GLRA2: variants seen among roughly 807,000 people sequenced by gnomAD.
GLRA2 encodes the protein glycine receptor subunit alpha-2.
Under a neutral mutation model 31.6 loss-of-function variants are expected in GLRA2, and 11 were observed. The ratio of observed to expected loss-of-function variants is 0.35; its 90% confidence interval spans 0.22 to 0.58. The LOEUF is 0.58. Ranked by LOEUF, GLRA2 falls within the 20% of genes least tolerant of loss-of-function variation. GLRA2 has a pLI of 0.84. For missense variants in GLRA2, 212 were observed against 351.8 expected (o/e 0.60, Z 3.18); for synonymous variants, 132 against 134.0 (o/e 0.99, Z 0.10).
intron 4 of GLRA2, among the ~76,000 whole-genome samples, chrX:14,599,216 A>T (rs1412061593): frequency 1.8e-5 from 2 of 112,685 alleles, no homozygotes; most frequent in Non-Finnish European, 3.8e-5. Flanking sequence ...GGAGGAACGG[A>T]CAATAATGCT....
At chrX:14,507,686 A>ATTTTTTTTTTTTTTTTTTTTTTTTT in the GLRA2 span, among the ~76,000 whole-genome samples, 1 of 56,049 alleles carries the variant, frequency 1.8e-5, no homozygotes, top group Non-Finnish European at 3.9e-5. Flanking sequence ...TACGAAAGAC[A>ATTTTTTTTTTTTTTTTTTTTTTTTT]TTCTTTTTTT....
chrX:14,635,902 C>T (rs2090705419), intron 7 of GLRA2, among the ~76,000 whole-genome samples: 1 of 110,969 alleles, frequency 9.0e-6, no homozygotes, highest in African/African-American at 3.3e-5. Flanking sequence ...GATGCTTCCC[C>T]TTGTGCCCTA....
intron 8 of GLRA2, among the ~76,000 whole-genome samples, chrX:14,703,238 G>A (rs953233594): frequency 1.8e-5 from 2 of 111,637 alleles, no homozygotes; most frequent in African/African-American, 6.5e-5. Context: ...AATACTCAGA[G>A]GCCATCTTTG....
chrX:14,458,427 G>C, the GLRA2 span, among the ~76,000 whole-genome samples: 1 of 111,843 alleles, frequency 8.9e-6, no homozygotes, highest in African/African-American at 3.3e-5. Context: ...TCTAGTTCTA[G>C]ATCCCTGAGG....
At chrX:14,604,543 A>AGTGTGTGT (rs377121617) in intron 5 of GLRA2, 146 bp downstream of exon 5, 21 of 161,441 alleles carry the variant, frequency 1.3e-4, no homozygotes, top group African/African-American at 3.6e-4. Context: ...GACAAACCAA[A>AGTGTGTGT]GTGTGTGTGT....
At chrX:14,608,426 AT>A in intron 6 of GLRA2, among the ~76,000 whole-genome samples, 1 of 111,311 alleles carries the variant, frequency 9.0e-6, no homozygotes, top group Non-Finnish European at 1.9e-5. Context: ...ACAAATGTAC[AT>A]TTTTCTCTTG....
intron 7 of GLRA2, among the ~76,000 whole-genome samples, chrX:14,635,809 C>A (rs1400233732): frequency 9.0e-6 from 1 of 111,129 alleles, no homozygotes. Context: ...AAAACAATTC[C>A]TAGGGAGAAA....
chrX:14,729,570 T>A (rs1284784914), intron 8 of GLRA2, among the ~76,000 whole-genome samples: 2 of 111,838 alleles, frequency 1.8e-5, no homozygotes, highest in African/African-American at 6.5e-5. Context: ...AGCCAAATAA[T>A]CAATGTTAAA....
intron 8 of GLRA2, among the ~76,000 whole-genome samples, chrX:14,698,561 C>G (rs1191854465): frequency 9.5e-6 from 1 of 105,769 alleles, no homozygotes; most frequent in Non-Finnish European, 1.9e-5. Context: ...ACCTGTGGTC[C>G]CAGGAACTCA....
chrX:14,721,798 A>T (rs2091869975), intron 8 of GLRA2, among the ~76,000 whole-genome samples: 1 of 111,343 alleles, frequency 9.0e-6, no homozygotes, highest in Non-Finnish European at 1.9e-5. Flanking sequence ...GTCCTCTCTC[A>T]GTTTGGTATC....
chrX:14,681,891 C>CAAAAAAAAA lies in GLRA2; in HGVS notation c.931-8807_931-8799dup, dbSNP rs1157722406. ...TGGGCAACAGTGCGAGACACCATCT[C>CAAAAAAAAA]AAAAAAAAAAAAAAAAAAAATATAT... is the stretch of plus-strand genomic sequence containing the variant. On this transcript the variant is annotated intron_variant, in intron 7 of 8. Transcript: ENST00000218075. Among the ~76,000 whole-genome samples, 94 of 26,611 alleles carry CAAAAAAAAA rather than the reference C, an allele frequency of 3.5e-3. 2 individuals are homozygous for CAAAAAAAAA. The highest frequency in any genetic ancestry group is 7.5e-3 in the African/African-American group (68 of 9,073). The allele number at this position is 26,611 out of a possible 115,157, so 23.1% of individuals were successfully genotyped here.
intron 2 of GLRA2, among the ~76,000 whole-genome samples, chrX:14,560,256 C>T (rs2089709649): frequency 8.9e-6 from 1 of 112,487 alleles, no homozygotes; most frequent in Non-Finnish European, 1.9e-5. Context: ...TACTTGAAGA[C>T]ACATTAAGTT....
chrX:14,553,075 A>G (rs766136177), intron 2 of GLRA2, among the ~76,000 whole-genome samples: 21 of 111,868 alleles, frequency 1.9e-4, no homozygotes, highest in South Asian at 3.8e-4. Flanking sequence ...GGCTTCTTCA[A>G]TCTTGGAGGG....
the GLRA2 span, among the ~76,000 whole-genome samples, chrX:14,461,983 G>A: frequency 5.3e-5 from 6 of 112,155 alleles, no homozygotes; most frequent in African/African-American, 6.5e-5. Context: ...GCAGTGGCTG[G>A]TACTCTTGTT....
rs184464079 is a variant in GLRA2, at chrX:14,603,049, G to C, written c.495-1266G>C. Among the ~76,000 whole-genome samples the C allele has an allele frequency of 6.5e-5, 7 of 107,847 alleles. No individual in the cohort carries two copies. In the East Asian group the frequency reaches 2.0e-3, roughly 31 times the overall value. The allele number at this position is 107,847 out of a possible 115,157, so 93.7% of individuals were successfully genotyped here. On this transcript the variant is annotated intron_variant, in intron 4 of 8. Coordinates refer to ENST00000218075, the MANE Select transcript of GLRA2 (RefSeq NM_002063.4). ...ACTAGTTTACATTCCCTGTAGAAAG[G>C]TTCCCTTTTCACCACATCCATGCCA... is the stretch of plus-strand genomic sequence containing the variant.
chrX:14,520,486 C>T, the GLRA2 span, among the ~76,000 whole-genome samples: 1 of 112,503 alleles, frequency 8.9e-6, no homozygotes, highest in Non-Finnish European at 1.9e-5. Context: ...AATCACTTGC[C>T]ATGAATCATC....
At chrX:14,535,591 T>C (rs753256629) in intron 2 of GLRA2, among the ~76,000 whole-genome samples, 2 of 112,560 alleles carry the variant, frequency 1.8e-5, no homozygotes, top group South Asian at 7.2e-4. Context: ...CATAGAGACG[T>C]GTTTCAGATC....
chrX:14,493,620 T>C, the GLRA2 span, among the ~76,000 whole-genome samples: 17 of 99,286 alleles, frequency 1.7e-4, no homozygotes, highest in Admixed American at 1.7e-3. Flanking sequence ...TACACATATA[T>C]ACACATATAT....
chrX:14,680,267 C>T (rs2091186979), intron 7 of GLRA2, among the ~76,000 whole-genome samples: 1 of 111,939 alleles, frequency 8.9e-6, no homozygotes, highest in South Asian at 3.7e-4. Flanking sequence ...AATTAATATA[C>T]TTCTTAGTCA....
Sources: gnomAD v4.1 joint callset for allele counts (sites outside exome capture counted in the v4.1 genomes callset) on GRCh38, gnomAD v4.1.1 for gene constraint, MANE v1.5 for transcripts, NCBI Gene and HGNC (gene_info 2026-07-23, HGNC 2026-07-21) for gene names.